The following MUC5B variants were observed in gnomAD, a reference collection of about 807,000 sequenced individuals.
The protein encoded by MUC5B is mucin-5B.
MUC5B carries 116 observed loss-of-function variants against 376.9 expected under a neutral mutation model. The ratio of observed to expected loss-of-function variants is 0.31; its 90% confidence interval spans 0.26 to 0.36. The LOEUF is 0.36. Ranked by LOEUF, MUC5B falls within the 10% of genes least tolerant of loss-of-function variation. MUC5B has a pLI of 1.00. For synonymous variants in MUC5B, 3,517 were observed against 3,390.9 expected, an observed-to-expected ratio of 1.04 and a Z score of -1.29; for missense variants, 7,165 against 7,769.9, an observed-to-expected ratio of 0.92 and a Z score of 2.93.
intron 48 of MUC5B, 61 bp from the exon 49 acceptor site, chr11:1,261,328 G>T (rs1862989690): frequency 1.4e-6 from 2 of 1,451,960 alleles, no homozygotes; most frequent in East Asian, 5.0e-5. Flanking sequence ...GTGTCACCAT[G>T]GCTGGGCAGA....
chr11:1,224,636 G>A (rs1164543280), intron 1 of MUC5B, among the ~76,000 whole-genome samples: 1 of 152,022 alleles, frequency 6.6e-6, no homozygotes, highest in Middle Eastern at 3.4e-3. Context: ...GGGAGTGGCT[G>A]GTTGGGCTGG....
At chr11:1,237,903 C>A (rs1462509636) in intron 25 of MUC5B, among the ~76,000 whole-genome samples, 1 of 152,192 alleles carries the variant, frequency 6.6e-6, no homozygotes, top group Non-Finnish European at 1.5e-5. Context: ...AAAGCAGTTT[C>A]GTGTCATCTT....
intron 15 of MUC5B, 89 bp from the exon 16 acceptor site, chr11:1,232,361 T>A: frequency 6.9e-7 from 1 of 1,441,070 alleles, no homozygotes; most frequent in Non-Finnish European, 9.4e-7. Context: ...CAACTCACTG[T>A]TCCCCGGGCT....
rs755895037 is a variant in MUC5B, at chr11:1,246,205, C to G, written c.9325C>G (p.Leu3109Val). The change falls in exon 31 of 49, where the codon CTG (leucine) becomes GTG (valine). Residue 3109 changes from leucine to valine, a missense_variant. Physicochemically the swap from Leu to Val is conservative, Grantham distance 32. Around this residue, in one of 31 missense-constraint regions of MUC5B, gnomAD observed 939 missense variants for 770.6 expected, o/e 1.22. Transcript: ENST00000529681. ...GGAGACCACCCACACCTCCACAGTGCTGACCACGAAGGCCACCACGACAAG... is the reference window on the plus strand; with the variant it reads ...GGAGACCACCCACACCTCCACAGTGGTGACCACGAAGGCCACCACGACAAG... ...TPETTHTSTV[L>V]TTKATTTRAT... 7.4e-6 allele frequency: 12 copies of G among 1,612,978 alleles called. No individual in the cohort carries two copies. In the Admixed American group the frequency reaches 8.3e-5, roughly 11 times the overall value.
At chr11:1,233,994 A>G in intron 19 of MUC5B, 146 bp downstream of exon 19, 1 of 908,974 alleles carries the variant, frequency 1.1e-6, no homozygotes, top group Non-Finnish European at 1.7e-6. Context: ...ACAGGCACCC[A>G]TGCCCTGACA....
In MUC5B at chr11:1,235,120, G is replaced by A. The variant is rs773708789; in HGVS notation, c.2666G>A (p.Arg889Gln). 9 of 1,612,306 alleles carry A rather than the reference G, an allele frequency of 5.6e-6. No individual in the cohort carries two copies. In the African/African-American group the frequency reaches 8.0e-5, roughly 14 times the overall value. Residue 889 changes from arginine to glutamine, a missense_variant, in exon 22 of 49, where the codon CGG becomes CAG. Physicochemically the swap from Arg to Gln is conservative, Grantham distance 43. Transcript: ENST00000529681. ...AACCGGAGGTGGGAGTGCAGCCACC[G>A]GCTCTGCCTGGGCACCTGCGTGGCC... ...CRNRRWECSH[R>Q]LCLGTCVAYG...
At chr11:1,223,844 G>A (rs1420144783) in intron 1 of MUC5B, among the ~76,000 whole-genome samples, 1 of 152,232 alleles carries the variant, frequency 6.6e-6, no homozygotes, top group Admixed American at 6.5e-5. Flanking sequence ...AGAGAAAGAT[G>A]CAGCCCCAGG....
Position 1,253,994 on chromosome 11 carries a change from C to A in MUC5B, c.15218-98C>A, listed in dbSNP as rs528786899. 1.3e-5 allele frequency: 20 copies of A among 1,496,226 alleles called. No individual in the cohort carries two copies. Among genetic ancestry groups the A allele is most frequent in the Non-Finnish European group, 1.8e-5 (20 of 1,119,612 alleles). 92.7% of individuals were successfully genotyped at this position (1,496,226 alleles called of 1,614,324 possible). A position where few individuals can be genotyped will look rare whatever the true frequency, so the allele number is the denominator to read the frequency against. The stretch of plus-strand genomic sequence containing the variant: ...GGCCCCAGGGGCTTCAGTGGCTCCC[C>A]AAGGCGGCAGTCACAGTGGTGACGC... On this transcript the variant is annotated intron_variant, in intron 33 of 48. Transcript: ENST00000529681. The surrounding 1 kb of genome is among the most constrained non-coding windows in gnomAD (Gnocchi z 4.3).
At chr11:1,252,198 T>A in intron 31 of MUC5B, 145 bp from the exon 32 acceptor site, 1 of 765,254 alleles carries the variant, frequency 1.3e-6, no homozygotes, top group South Asian at 1.9e-5. Flanking sequence ...TGGTCCCCAC[T>A]GGCCACACTC....
At chr11:1,226,363 C>T (rs939543457) in intron 3 of MUC5B, 87 bp downstream of exon 3, 1 of 1,473,858 alleles carries the variant, frequency 6.8e-7, no homozygotes, top group Non-Finnish European at 9.2e-7. Flanking sequence ...GCAGCTGCCA[C>T]CAGGTGGGGC....
rs1451551642 is a variant in MUC5B, at chr11:1,227,103, G to A, written c.534G>A (p.Arg178=). 1 of 1,612,540 alleles carries A rather than the reference G, an allele frequency of 6.2e-7. No homozygotes were observed. The highest frequency in any genetic ancestry group is 2.2e-5 in the East Asian group (1 of 44,878). Residue 178 remains arginine, a synonymous_variant, in exon 5 of 49, where the codon CGG becomes CGA. Coordinates refer to ENST00000529681, the MANE Select transcript of MUC5B (RefSeq NM_002458.3). The part of the protein sequence containing the change: ...QSGDYIKVSI[R]LVLTFLWNGE... ...GGGACTACATCAAGGTCAGCATCCG[G>A]CTGGTGCTGACATTCCTGTGGAACG...
rs2672785 is a variant in MUC5B at position 1,225,711 on chromosome 11, A to G, written c.101A>G (p.Glu34Gly). ...CAGGGCCCTGTGGAGCCGAGCTGGG[A>G]GAATGCAGGGCACACCATGGATGGC... is the stretch of plus-strand genomic sequence containing the variant. ...ETQGPVEPSW[E>G]NAGHTMDGGA... Residue 34 changes from glutamate to glycine, a missense_variant, in exon 2 of 49, where the codon GAG becomes GGG. Glu to Gly is a moderately conservative substitution (Grantham distance 98). Transcript: ENST00000529681. The G allele has an allele frequency of 0.23, 376,377 of 1,603,608 alleles. 47,266 individuals are homozygous for G. Among genetic ancestry groups the G allele is most frequent in the East Asian group, 0.48 (21,195 of 44,392 alleles).
At position 1,247,211 on chromosome 11, in the gene MUC5B, C is replaced by T. The variant is rs780966231; in HGVS notation, c.10331C>T (p.Thr3444Ile). 115 of 1,569,160 alleles carry T rather than the reference C, an allele frequency of 7.3e-5. No individual in the cohort carries two copies. Among genetic ancestry groups the T allele is most frequent in the Middle Eastern group, 3.5e-4 (2 of 5,636 alleles). Residue 3444 changes from threonine (T) to isoleucine (I), a missense_variant, in exon 31 of 49, where the codon ACA becomes ATA. Thr to Ile is a moderately conservative substitution (Grantham distance 89, BLOSUM62 -1). Coordinates refer to ENST00000529681, the MANE Select transcript of MUC5B (RefSeq NM_002458.3). ...TPSSALGTTH[T>I]PPVPNTTATT... ...TCCTCTGCCCTAGGGACCACCCACA[C>T]ACCCCCAGTGCCGAACACCACGGCC...
intron 29 of MUC5B, 30 bp from the exon 30 acceptor site, chr11:1,240,148 C>T: frequency 3.8e-6 from 6 of 1,578,678 alleles, no homozygotes; most frequent in Non-Finnish European, 4.3e-6. Context: ...GCTCGGAGGC[C>T]CTGGGTGACT....
In MUC5B at chr11:1,233,080, T is replaced by C. The variant is rs1262732111; in HGVS notation, c.2133T>C (p.Thr711=). The stretch of plus-strand genomic sequence containing the variant: ...ACGTGGTGGATGCCTGCCAGCCCAC[T>C]TGCCGCGGCCTGAGTGAGGCCGACG... ...YAYVVDACQP[T]CRGLSEADVT... The change falls in exon 18 of 49, where the codon ACT becomes ACC. Residue 711 remains threonine (T), a synonymous_variant. Transcript: ENST00000529681. The C allele has an allele frequency of 1.9e-6, 3 of 1,607,158 alleles. No individual in the cohort carries two copies. The highest frequency in any genetic ancestry group is 2.5e-6 in the Non-Finnish European group (3 of 1,179,160).
Position 1,250,595 on chromosome 11 carries a change from C to T in MUC5B, c.13715C>T (p.Thr4572Ile), listed in dbSNP as rs547474187. 1 of 1,613,790 alleles carries T rather than the reference C, an allele frequency of 6.2e-7. No homozygotes were observed. Among genetic ancestry groups the T allele is most frequent in the East Asian group, 2.2e-5 (1 of 44,864 alleles). ...STVLTATATT[T>I]GATGSVATPS... Reference sequence around the variant, plus strand: ...GTGCTTACCGCCACGGCCACCACAACCGGGGCCACCGGCTCTGTGGCCACC... The same window carrying T: ...GTGCTTACCGCCACGGCCACCACAATCGGGGCCACCGGCTCTGTGGCCACC... The change falls in exon 31 of 49, where the codon ACC (threonine) becomes ATC (isoleucine). Residue 4572 changes from threonine (T) to isoleucine (I), a missense_variant. Transcript: ENST00000529681.
chr11:1,235,722 G>A (rs1323747543), intron 23 of MUC5B, among the ~76,000 whole-genome samples: 2 of 152,026 alleles, frequency 1.3e-5, no homozygotes, highest in East Asian at 3.9e-4. Context: ...GTGGCCTCCC[G>A]CTGTGTCTGC....
At chr11:1,235,511 C>A in intron 23 of MUC5B, 98 bp downstream of exon 23, 2 of 1,036,300 alleles carry the variant, frequency 1.9e-6, no homozygotes, top group Non-Finnish European at 2.9e-6. Flanking sequence ...CACAGGTTCT[C>A]AGCAGTGTCC....
Position 1,236,440 on chromosome 11 carries a change from G to T in MUC5B, c.2935G>T (p.Gly979Cys), listed in dbSNP as rs372215827. ...GTFKAVARGP[G>C]GDPPYKIRYM... ...CTTTAAGGCGGTGGCGAGAGGGCCG[G>T]GTGGGGACCCACCCTACAAGATACG... The change falls in exon 24 of 49, where the codon GGT (glycine) becomes TGT (cysteine). Residue 979 changes from glycine to cysteine, a missense_variant. Gly to Cys is a radical substitution (Grantham distance 159). Around this residue, in one of 31 missense-constraint regions of MUC5B, gnomAD observed 530 missense variants for 604.0 expected, o/e 0.88. Coordinates refer to ENST00000529681, the MANE Select transcript of MUC5B (RefSeq NM_002458.3). 1.6e-5 allele frequency: 26 copies of T among 1,612,770 alleles called. No individual in the cohort carries two copies. The highest frequency in any genetic ancestry group is 2.2e-5 in the Non-Finnish European group (26 of 1,179,756).
Sources: allele counts gnomAD v4.1 joint callset (sites outside exome capture counted in the v4.1 genomes callset), GRCh38; gene constraint gnomAD v4.1.1; regional missense constraint gnomAD v4.1.1; non-coding constraint Gnocchi (gnomAD v3.1); transcripts MANE v1.5; gene names NCBI Gene and HGNC (gene_info 2026-07-23, HGNC 2026-07-21).